The following SGCD variants were observed in gnomAD, a reference collection of about 807,000 sequenced individuals.
SGCD encodes the protein delta-sarcoglycan.
SGCD carries 18 observed loss-of-function variants against 36.6 expected under a neutral mutation model. That is an observed-to-expected ratio of 0.49 (90% CI 0.34 to 0.73). SGCD has a LOEUF of 0.73. Ranked by LOEUF, SGCD falls within the 30% of genes least tolerant of loss-of-function variation. SGCD has a pLI of 0.01. For synonymous variants in SGCD, 133 were observed against 130.6 expected (o/e 1.02, Z -0.12); for missense variants, 387 against 346.7 (o/e 1.12, Z -0.92).
chr5:156,533,809 ATTC>A (rs1307676254), intron 4 of SGCD, among the ~76,000 whole-genome samples: 5 of 152,162 alleles, frequency 3.3e-5, no homozygotes, highest in Non-Finnish European at 4.4e-5. Flanking sequence ...GCCTTATAAA[ATTC>A]TTCTTATAAA....
chr5:156,503,212 G>A (rs1756531224), intron 3 of SGCD, among the ~76,000 whole-genome samples: 1 of 152,146 alleles, frequency 6.6e-6, no homozygotes, highest in South Asian at 2.1e-4. Context: ...TACCTCCTAT[G>A]TTATAAACTG....
intron 3 of SGCD, among the ~76,000 whole-genome samples, chr5:156,404,076 C>T (rs1441243202): frequency 6.6e-6 from 1 of 152,100 alleles, no homozygotes; most frequent in Non-Finnish European, 1.5e-5. Flanking sequence ...CTCAAATGAT[C>T]ACCTCACCTC....
intron 3 of SGCD, among the ~76,000 whole-genome samples, chr5:156,389,926 T>C (rs1334808773): frequency 6.7e-6 from 1 of 149,846 alleles, no homozygotes; most frequent in Non-Finnish European, 1.5e-5. Flanking sequence ...ACACAGAGCC[T>C]TATGCCACAT....
chr5:156,620,030 T>A (rs1049549120), intron 6 of SGCD, among the ~76,000 whole-genome samples: 2 of 152,086 alleles, frequency 1.3e-5, no homozygotes, highest in African/African-American at 4.8e-5. Context: ...AGAAGCAAAA[T>A]TCAAAGTTTC....
At chr5:156,429,584 T>C (rs1286964431) in intron 3 of SGCD, among the ~76,000 whole-genome samples, 8 of 151,956 alleles carry the variant, frequency 5.3e-5, no homozygotes, top group African/African-American at 1.9e-4. Flanking sequence ...TGGTTTTTTT[T>C]TTTTTAATTG....
intron 1 of SGCD, among the ~76,000 whole-genome samples, chr5:156,032,132 A>G (rs1759360121): frequency 6.6e-6 from 1 of 151,886 alleles, no homozygotes; most frequent in Non-Finnish European, 1.5e-5. Flanking sequence ...CTTGTTTTAT[A>G]ACTTAAAATA....
intron 1 of SGCD, among the ~76,000 whole-genome samples, chr5:155,890,155 A>G (rs1370150766): frequency 6.6e-6 from 1 of 152,210 alleles, no homozygotes; most frequent in African/African-American, 2.4e-5. Flanking sequence ...TGAACCATGG[A>G]CAAGCTAAAA....
chr5:156,131,994 T>A (rs186420006), intron 3 of SGCD, among the ~76,000 whole-genome samples: 1 of 152,278 alleles, frequency 6.6e-6, no homozygotes, highest in East Asian at 1.9e-4. Flanking sequence ...GCCAGAAAAA[T>A]TGCAAATATG....
chr5:156,352,670 A>G (rs1377098917), intron 3 of SGCD, among the ~76,000 whole-genome samples: 1 of 152,202 alleles, frequency 6.6e-6, no homozygotes, highest in Admixed American at 6.5e-5. Context: ...TAAGAAATGA[A>G]TTTCCATTTA....
intron 1 of SGCD, among the ~76,000 whole-genome samples, chr5:155,982,746 C>A (rs1408440536): frequency 6.6e-6 from 1 of 152,168 alleles, no homozygotes; most frequent in Admixed American, 6.5e-5. Context: ...AGCTACGATA[C>A]TGGTGATGAA....
intron 1 of SGCD, among the ~76,000 whole-genome samples, chr5:155,901,183 G>A (rs1283878919): frequency 6.6e-6 from 1 of 151,772 alleles, no homozygotes; most frequent in African/African-American, 2.4e-5. Flanking sequence ...GTGGTGGTGG[G>A]TGCCTGTAAT....
intron 1 of SGCD, among the ~76,000 whole-genome samples, chr5:155,956,921 CTTT>C (rs1195922115): frequency 6.6e-6 from 1 of 151,702 alleles, no homozygotes; most frequent in Admixed American, 6.6e-5. Flanking sequence ...CTGGATACAT[CTTT>C]TTGGGGCTAC....
At chr5:156,728,508 CAAAAAAAAAAA>C (rs34726270) in intron 7 of SGCD, among the ~76,000 whole-genome samples, 17 of 46,524 alleles carry the variant, frequency 3.7e-4, no homozygotes, top group South Asian at 1.4e-3. Flanking sequence ...GAGACTCTGT[CAAAAAAAAAAA>C]AAAAAAAAAA....
chr5:156,265,572 G>A (rs191551001), intron 3 of SGCD, among the ~76,000 whole-genome samples: 4 of 151,328 alleles, frequency 2.6e-5, no homozygotes, highest in South Asian at 4.2e-4. Flanking sequence ...AATTTGCCAG[G>A]TAATTAAATA....
At chr5:156,644,223 G>A (rs1302498146) in intron 6 of SGCD, among the ~76,000 whole-genome samples, 3 of 152,070 alleles carry the variant, frequency 2.0e-5, no homozygotes, top group Admixed American at 2.0e-4. Context: ...GCTATTTGCT[G>A]TCCTAGTAAT....
intron 3 of SGCD, among the ~76,000 whole-genome samples, chr5:156,494,110 G>A (rs79662058): frequency 0.027 from 4,108 of 152,188 alleles, 170 homozygotes; most frequent in African/African-American, 0.088. Flanking sequence ...GGGAGCTGGG[G>A]CCTGGAGGAT....
intron 3 of SGCD, among the ~76,000 whole-genome samples, chr5:156,375,941 AT>A (rs1770643983): frequency 6.6e-6 from 1 of 152,242 alleles, no homozygotes; most frequent in East Asian, 1.9e-4. Flanking sequence ...CTTTTAAAAC[AT>A]TGAAAATGAC....
chr5:156,713,414 G>GGC (rs1554132128), intron 7 of SGCD, among the ~76,000 whole-genome samples: 3 of 149,626 alleles, frequency 2.0e-5, no homozygotes, highest in African/African-American at 7.5e-5. Context: ...ACATGTCGGG[G>GGC]GGGGCGTTAT....
the SGCD span, among the ~76,000 whole-genome samples, chr5:155,752,629 C>G: frequency 6.6e-6 from 1 of 152,176 alleles, no homozygotes; most frequent in Non-Finnish European, 1.5e-5. Flanking sequence ...GGACCATAGT[C>G]TTCTACAAAA....
Sources: allele counts gnomAD v4.1 joint callset (sites outside exome capture counted in the v4.1 genomes callset), GRCh38; gene constraint gnomAD v4.1.1; transcripts MANE v1.5; gene names NCBI Gene and HGNC (gene_info 2026-07-23, HGNC 2026-07-21).